The following TBC1D1 variants were observed in gnomAD, a reference collection of about 807,000 sequenced individuals.
The protein encoded by TBC1D1 is TBC1 domain family member 1.
TBC1D1 carries 89 observed loss-of-function variants against 125.6 expected under a neutral mutation model. The ratio of observed to expected loss-of-function variants is 0.71; its 90% CI spans 0.60 to 0.85. TBC1D1 has a LOEUF of 0.85. Ranked by LOEUF, TBC1D1 falls within the 40% of genes least tolerant of loss-of-function variation. TBC1D1 has a pLI of 0.00. For synonymous variants in TBC1D1, 565 were observed against 564.1 expected, an observed-to-expected ratio of 1.00 and a Z score of -0.02; for missense variants, 1,377 against 1,469.2, an observed-to-expected ratio of 0.94 and a Z score of 1.03.
chr4:38,009,093 G>C (rs1359548494), intron 2 of TBC1D1, among the ~76,000 whole-genome samples: 1 of 152,218 alleles, frequency 6.6e-6, no homozygotes, highest in Non-Finnish European at 1.5e-5. Context: ...ATGTAAGATA[G>C]AGTGAGGAAA....
chr4:38,128,498 C>T (rs1329405060), intron 18 of TBC1D1, among the ~76,000 whole-genome samples: 1 of 152,080 alleles, frequency 6.6e-6, no homozygotes, highest in Non-Finnish European at 1.5e-5. Context: ...GAGCATACTG[C>T]CCTGTGTACA....
At chr4:37,943,489 T>A (rs963831599) in intron 2 of TBC1D1, among the ~76,000 whole-genome samples, 1 of 152,252 alleles carries the variant, frequency 6.6e-6, no homozygotes, top group African/African-American at 2.4e-5. Flanking sequence ...GACGTAGATT[T>A]CATCTTTTCA....
intron 12 of TBC1D1, among the ~76,000 whole-genome samples, chr4:38,072,632 CAT>C (rs1448620834): frequency 6.6e-6 from 1 of 152,146 alleles, no homozygotes; most frequent in Admixed American, 6.6e-5. Flanking sequence ...TGGTAAAAAA[CAT>C]AAACATAATA....
intron 2 of TBC1D1, among the ~76,000 whole-genome samples, chr4:37,971,999 C>A (rs1414657666): frequency 6.6e-6 from 1 of 152,168 alleles, no homozygotes; most frequent in East Asian, 1.9e-4. Flanking sequence ...AGAATTTGAC[C>A]TTTGCTCCAA....
At chr4:38,057,406 TCACC>T (rs1751927749) in intron 12 of TBC1D1, among the ~76,000 whole-genome samples, 2 of 152,164 alleles carry the variant, frequency 1.3e-5, no homozygotes, top group Non-Finnish European at 2.9e-5. Flanking sequence ...TTCATCTTTG[TCACC>T]CATCTCCGGC....
At chr4:38,074,927 A>T (rs1022276085) in intron 12 of TBC1D1, among the ~76,000 whole-genome samples, 1 of 151,952 alleles carries the variant, frequency 6.6e-6, no homozygotes, top group African/African-American at 2.4e-5. Context: ...TACTTGGCTA[A>T]TTTTTGTATT....
Position 38,020,712 on chromosome 4 carries a change from A to T in TBC1D1, c.1077+17A>T, listed in dbSNP as rs772112320. On this transcript the variant is annotated intron_variant, in intron 5 of 19. Transcript: ENST00000261439. Reference sequence around the variant, plus strand: ...GAGGCTCTGGTGAGAGAGGACAAGCAATTCTTACCTTGGAACCTTCTTTAC... The same window carrying T: ...GAGGCTCTGGTGAGAGAGGACAAGCTATTCTTACCTTGGAACCTTCTTTAC... The T allele has an allele frequency of 2.2e-5, 36 of 1,604,418 alleles. No homozygotes were observed. Among genetic ancestry groups the T allele is most frequent in the Non-Finnish European group, 3.0e-5 (35 of 1,172,322 alleles).
intron 12 of TBC1D1, among the ~76,000 whole-genome samples, chr4:38,056,012 T>G (rs1751641039): frequency 1.3e-5 from 2 of 152,230 alleles, no homozygotes. Flanking sequence ...CGGAAATGCT[T>G]TGTGCAGTGG....
intron 19 of TBC1D1, among the ~76,000 whole-genome samples, chr4:38,133,529 C>T (rs1470202530): frequency 2.0e-5 from 3 of 152,168 alleles, no homozygotes; most frequent in Non-Finnish European, 4.4e-5. Context: ...CAGAGATGAA[C>T]TTGGATTCAG....
chr4:37,981,410 AC>A (rs1464457464), intron 2 of TBC1D1, among the ~76,000 whole-genome samples: 1 of 152,220 alleles, frequency 6.6e-6, no homozygotes, highest in East Asian at 1.9e-4. Context: ...TGGATAACCT[AC>A]CTATAATAGG....
chr4:38,091,122 A>G (rs1191998081), intron 13 of TBC1D1, among the ~76,000 whole-genome samples: 3 of 152,244 alleles, frequency 2.0e-5, no homozygotes, highest in African/African-American at 7.2e-5. Flanking sequence ...TGTACGAGCA[A>G]CATAGTTTCT....
chr4:38,064,273 C>G (rs968738062), intron 12 of TBC1D1, among the ~76,000 whole-genome samples: 9 of 152,156 alleles, frequency 5.9e-5, no homozygotes, highest in Non-Finnish European at 8.8e-5. Context: ...TTGGCTGTTA[C>G]GGATAATACC....
intron 2 of TBC1D1, among the ~76,000 whole-genome samples, chr4:37,991,263 CCTT>C (rs72036587): frequency 0.42 from 64,488 of 151,842 alleles, 14,169 homozygotes; most frequent in East Asian, 0.6. Flanking sequence ...TAGATATTGT[CCTT>C]CTCAAAAACA....
At chr4:38,028,241 CT>C (rs993892007) in intron 7 of TBC1D1, among the ~76,000 whole-genome samples, 1 of 152,188 alleles carries the variant, frequency 6.6e-6, no homozygotes, top group Non-Finnish European at 1.5e-5. Context: ...TCTGGGCTCC[CT>C]GCAGTCTCCG....
chr4:38,055,264 C>T (rs550626490), intron 12 of TBC1D1, among the ~76,000 whole-genome samples: 5 of 152,302 alleles, frequency 3.3e-5, no homozygotes, highest in African/African-American at 1.2e-4. Flanking sequence ...GTCCTCATGT[C>T]TGACGAGCTA....
At chr4:37,993,495 G>T (rs1442115898) in intron 2 of TBC1D1, among the ~76,000 whole-genome samples, 1 of 152,144 alleles carries the variant, frequency 6.6e-6, no homozygotes, top group Non-Finnish European at 1.5e-5. Context: ...ATTGTGGTGA[G>T]TGGATCAAAG....
rs1017002442 is a variant in TBC1D1 at position 38,103,176 on chromosome 4, T to G, written c.2557+19T>G. The G allele has an allele frequency of 1.3e-6, 2 of 1,596,666 alleles. No individual in the cohort carries two copies. Among genetic ancestry groups the G allele is most frequent in the South Asian group, 1.1e-5 (1 of 87,776 alleles). ...GACCTTGGTAAGTCTGTGCCATCGA[T>G]TGGAGATGACAATGGAAGTTTCACT... is the stretch of plus-strand genomic sequence containing the variant. On this transcript the variant is annotated intron_variant, in intron 15 of 19. Transcript: ENST00000261439.
chr4:38,097,196 CTTG>C (rs928900581), intron 14 of TBC1D1, among the ~76,000 whole-genome samples: 1 of 152,122 alleles, frequency 6.6e-6, no homozygotes, highest in East Asian at 1.9e-4. Flanking sequence ...TAGTTTCACT[CTTG>C]TTGCCCAGGC....
At chr4:38,008,529 A>G (rs910949732) in intron 2 of TBC1D1, among the ~76,000 whole-genome samples, 9 of 152,172 alleles carry the variant, frequency 5.9e-5, no homozygotes, top group African/African-American at 1.2e-4. Context: ...TCTTTTTTAC[A>G]TGGGATGAAA....
Sources: allele counts gnomAD v4.1 joint callset (sites outside exome capture counted in the v4.1 genomes callset), GRCh38; gene constraint gnomAD v4.1.1; transcripts MANE v1.5; gene names NCBI Gene and HGNC (gene_info 2026-07-23, HGNC 2026-07-21).